The following ARHGEF3 variants were observed in gnomAD, a reference collection of about 807,000 sequenced individuals.
ARHGEF3 encodes the protein 59.8 kDA protein.
In ARHGEF3, 28 loss-of-function variants were observed where a neutral mutation model predicts 63.2. The ratio of observed to expected loss-of-function variants is 0.44; its 90% CI spans 0.33 to 0.61. The LOEUF is 0.61. ARHGEF3 is among the 20% of genes least tolerant of loss of function. The pLI, the probability that ARHGEF3 is intolerant of heterozygous loss-of-function variation, is 0.03. For synonymous variants in ARHGEF3, 266 were observed against 254.2 expected (o/e 1.05, Z -0.44); for missense variants, 533 against 659.3 (o/e 0.81, Z 2.10).
intron 2 of ARHGEF3, among the ~76,000 whole-genome samples, chr3:56,767,530 G>A (rs1425598679): frequency 7.1e-6 from 1 of 141,664 alleles, no homozygotes; most frequent in Non-Finnish European, 1.5e-5. Flanking sequence ...CTTGCAGTGA[G>A]CTGAGATTGC....
chr3:56,763,942 A>G (rs2035563139), intron 2 of ARHGEF3, among the ~76,000 whole-genome samples: 1 of 152,176 alleles, frequency 6.6e-6, no homozygotes, highest in Non-Finnish European at 1.5e-5. Context: ...AGAAATATTA[A>G]CTAAGAAGAA....
chr3:56,818,739 G>A (rs558477088), intron 4 of ARHGEF3, among the ~76,000 whole-genome samples: 60 of 152,186 alleles, frequency 3.9e-4, no homozygotes, highest in African/African-American at 1.4e-3. Context: ...GCCATCCTAC[G>A]CGCTTGGAAT....
chr3:56,765,755 A>C lies in ARHGEF3; in HGVS notation c.204+7954T>G, dbSNP rs565530083. 2.6e-5 allele frequency among the ~76,000 whole-genome samples: 4 copies of C among 151,588 alleles called. No homozygotes were observed. The East Asian group carries it at 7.8e-4, about 29-fold the overall frequency. On this transcript the variant is annotated intron_variant, in intron 2 of 9. Coordinates refer to ENST00000296315, the MANE Select transcript of ARHGEF3 (RefSeq NM_019555.3). ...TGACGACCCCTCAGGCCATTGCTAA[A>C]CTCTCTCTGTAGTATATTTTATCAT...
At chr3:56,984,482 G>A (rs1701457627) in intron 2 of ARHGEF3, among the ~76,000 whole-genome samples, 1 of 152,088 alleles carries the variant, frequency 6.6e-6, no homozygotes, top group South Asian at 2.1e-4. Context: ...AAACTGTGAT[G>A]TCTGATTTGC....
At chr3:56,840,251 C>T (rs2039266359) in intron 4 of ARHGEF3, among the ~76,000 whole-genome samples, 1 of 152,140 alleles carries the variant, frequency 6.6e-6, no homozygotes, top group African/African-American at 2.4e-5. Context: ...CAGGAAAAAA[C>T]ACCCCCATTT....
chr3:56,793,325 G>A (rs1332927259), intron 1 of ARHGEF3, among the ~76,000 whole-genome samples: 6 of 152,196 alleles, frequency 3.9e-5, no homozygotes, highest in Non-Finnish European at 7.4e-5. Context: ...GCCCGCCACC[G>A]CGCCCGGCTA....
intron 2 of ARHGEF3, among the ~76,000 whole-genome samples, chr3:57,014,768 C>T (rs1281199507): frequency 2.0e-5 from 3 of 151,932 alleles, no homozygotes; most frequent in African/African-American, 7.2e-5. Context: ...ACAAGCTCCA[C>T]CTCCCAGGCT....
At chr3:57,030,703 T>G (rs1305833137) in intron 2 of ARHGEF3, among the ~76,000 whole-genome samples, 1 of 152,184 alleles carries the variant, frequency 6.6e-6, no homozygotes, top group Non-Finnish European at 1.5e-5. Context: ...CTGAGGAAAC[T>G]GAGGCATAGA....
At chr3:56,865,774 C>T (rs1307083462) in intron 4 of ARHGEF3, among the ~76,000 whole-genome samples, 1 of 152,060 alleles carries the variant, frequency 6.6e-6, no homozygotes, top group East Asian at 1.9e-4. Context: ...ATGAGAGCAG[C>T]ACACTCTACA....
chr3:56,845,579 G>T (rs934658268), intron 4 of ARHGEF3, among the ~76,000 whole-genome samples: 1 of 152,174 alleles, frequency 6.6e-6, no homozygotes, highest in African/African-American at 2.4e-5. Context: ...CACAGTGAGA[G>T]AGAACAGTAT....
At chr3:56,807,506 T>C (rs1426464039) in intron 4 of ARHGEF3, among the ~76,000 whole-genome samples, 1 of 152,194 alleles carries the variant, frequency 6.6e-6, no homozygotes, top group East Asian at 1.9e-4. Flanking sequence ...TCTGAAGTCA[T>C]CTCTTCTACC....
At chr3:56,780,719 C>G (rs1371052191) in intron 1 of ARHGEF3, among the ~76,000 whole-genome samples, 2 of 152,198 alleles carry the variant, frequency 1.3e-5, no homozygotes, top group Non-Finnish European at 2.9e-5. Context: ...TAGAATGTCT[C>G]TCACTTTAGA....
At chr3:56,854,995 T>C (rs1397117582) in intron 4 of ARHGEF3, among the ~76,000 whole-genome samples, 1 of 152,046 alleles carries the variant, frequency 6.6e-6, no homozygotes, top group Non-Finnish European at 1.5e-5. Flanking sequence ...ATGTAGCACA[T>C]GGCAGAGGTC....
At chr3:56,988,696 G>C (rs540492973) in intron 2 of ARHGEF3, among the ~76,000 whole-genome samples, 2 of 152,126 alleles carry the variant, frequency 1.3e-5, no homozygotes, top group Non-Finnish European at 2.9e-5. Flanking sequence ...TTTAATTTTT[G>C]TACCAAAGGG....
At chr3:56,760,266 C>A (rs1287404068) in intron 2 of ARHGEF3, among the ~76,000 whole-genome samples, 1 of 151,862 alleles carries the variant, frequency 6.6e-6, no homozygotes, top group Non-Finnish European at 1.5e-5. Context: ...ACTTTGCTCA[C>A]ACTCTCATCA....
intron 1 of ARHGEF3, among the ~76,000 whole-genome samples, chr3:57,072,532 G>C (rs1705969747): frequency 6.6e-6 from 1 of 151,790 alleles, no homozygotes; most frequent in African/African-American, 2.4e-5. Context: ...CTTGAGCTCA[G>C]GGGTTCAAGA....
At chr3:56,965,045 G>A (rs1700432860) in intron 2 of ARHGEF3, among the ~76,000 whole-genome samples, 1 of 152,102 alleles carries the variant, frequency 6.6e-6, no homozygotes, top group Admixed American at 6.6e-5. Flanking sequence ...TTGAGGCCAG[G>A]AGTTCCAGAC....
chr3:56,983,993 C>T (rs1476272152), intron 2 of ARHGEF3, among the ~76,000 whole-genome samples: 1 of 140,898 alleles, frequency 7.1e-6, no homozygotes, highest in Non-Finnish European at 1.6e-5. Context: ...CCCTGCCACA[C>T]TGTACAGTCC....
intron 1 of ARHGEF3, among the ~76,000 whole-genome samples, chr3:57,050,525 T>C (rs1254997372): frequency 1.3e-5 from 2 of 150,500 alleles, no homozygotes; most frequent in East Asian, 3.9e-4. Context: ...GGGGATGAAT[T>C]GGGGGGTCAG....
Sources: allele counts gnomAD v4.1 joint callset (sites outside exome capture counted in the v4.1 genomes callset), GRCh38; gene constraint gnomAD v4.1.1; transcripts MANE v1.5; gene names NCBI Gene and HGNC (gene_info 2026-07-23, HGNC 2026-07-21).